The following TMEM232 variants were observed in gnomAD, a reference collection of about 807,000 sequenced individuals.
TMEM232 encodes the protein transmembrane protein 232.
Under a neutral mutation model 78.8 loss-of-function variants are expected in TMEM232, and 80 were observed. That is an observed-to-expected ratio of 1.01 (90% confidence interval 0.85 to 1.22). The LOEUF is 1.22. Ranked by LOEUF, TMEM232 falls within the 50% of genes most tolerant of loss-of-function variation. The pLI, the probability that TMEM232 is intolerant of heterozygous loss-of-function variation, is 0.00. For synonymous variants in TMEM232, 297 were observed against 254.3 expected, an observed-to-expected ratio of 1.17 and a Z score of -1.60; for missense variants, 881 against 742.2, an observed-to-expected ratio of 1.19 and a Z score of -2.17.
intron 2 of TMEM232, among the ~76,000 whole-genome samples, chr5:110,408,938 C>A (rs1755892438): frequency 6.6e-6 from 1 of 152,126 alleles, no homozygotes; most frequent in South Asian, 2.1e-4. Flanking sequence ...TGGGTAACTC[C>A]TACCTAGACC....
intron 12 of TMEM232, among the ~76,000 whole-genome samples, chr5:110,451,564 C>T (rs1324561056): frequency 1.3e-5 from 2 of 152,006 alleles, no homozygotes; most frequent in African/African-American, 2.4e-5. Context: ...ATAACATTTC[C>T]ACAATCTTTT....
At chr5:110,459,371 C>T (rs959123106) in intron 12 of TMEM232, among the ~76,000 whole-genome samples, 4 of 151,996 alleles carry the variant, frequency 2.6e-5, no homozygotes, top group Admixed American at 2.0e-4. Context: ...CATATAGCAC[C>T]GAGTTTGATC....
chr5:110,439,774 G>C lies in TMEM232; in HGVS notation c.1704-14858C>G, dbSNP rs375449215. On this transcript the variant is annotated intron_variant, in intron 12 of 13. Coordinates refer to ENST00000455884, the MANE Select transcript of TMEM232 (RefSeq NM_001039763.4). Reference sequence around the variant, plus strand: ...CGGAGTCAAAATACCCAGTGGCTATGTTCCACCGAAGCAATTCCTGCCCCA... The same window carrying C: ...CGGAGTCAAAATACCCAGTGGCTATCTTCCACCGAAGCAATTCCTGCCCCA... Among the ~76,000 whole-genome samples, 3 of 152,012 alleles carry C rather than the reference G, an allele frequency of 2.0e-5. No homozygotes were observed. In the East Asian group the frequency reaches 5.8e-4, roughly 29 times the overall value.
chr5:110,410,081 A>G (rs1486352285), intron 2 of TMEM232, among the ~76,000 whole-genome samples: 1 of 152,200 alleles, frequency 6.6e-6, no homozygotes. Flanking sequence ...ATGCTTGCGC[A>G]TTACACCTCA....
chr5:110,687,408 A>AT (rs1192374083), intron 1 of TMEM232, among the ~76,000 whole-genome samples: 1 of 151,590 alleles, frequency 6.6e-6, no homozygotes, highest in African/African-American at 2.4e-5. Context: ...TTTTCTCTCC[A>AT]TTTTTTCCTT....
chr5:110,688,421 G>A (rs1793692936), intron 1 of TMEM232, among the ~76,000 whole-genome samples: 1 of 152,148 alleles, frequency 6.6e-6, no homozygotes, highest in African/African-American at 2.4e-5. Context: ...AGAGAGAGAT[G>A]TCTCCTGAGA....
At chr5:110,659,242 A>G (rs12109955) in intron 2 of TMEM232, among the ~76,000 whole-genome samples, 1,781 of 152,206 alleles carry the variant, frequency 0.012, 44 homozygotes, top group African/African-American at 0.04. Flanking sequence ...AAAGTATGTA[A>G]TGTCTTGCAA....
At position 110,682,041 on chromosome 5, in the gene TMEM232, A is replaced by AT. The variant is rs563629458; in HGVS notation, c.-12-14678dup. Among the ~76,000 whole-genome samples, 37 of 152,060 alleles carry AT rather than the reference A, an allele frequency of 2.4e-4. No individual in the cohort carries two copies. In the South Asian group the frequency reaches 3.5e-3, roughly 14 times the overall value. On this transcript the variant is annotated intron_variant, in intron 1 of 13. Coordinates refer to ENST00000455884, the MANE Select transcript of TMEM232 (RefSeq NM_001039763.4). The stretch of plus-strand genomic sequence containing the variant: ...TTAACTTCTTCTGCTATTAAGACAC[A>AT]TTTTTTTTACTTTGCAGTAAAATCA...
chr5:110,570,803 A>C (rs889660578), intron 10 of TMEM232, among the ~76,000 whole-genome samples: 2 of 151,980 alleles, frequency 1.3e-5, no homozygotes, highest in Non-Finnish European at 2.9e-5. Flanking sequence ...AACTCAGCAA[A>C]GGATTGCCAT....
intron 1 of TMEM232, among the ~76,000 whole-genome samples, chr5:110,696,808 A>C (rs1160719664): frequency 6.6e-6 from 1 of 152,160 alleles, no homozygotes. Context: ...GGATACAAAG[A>C]AATGGAAGAA....
chr5:110,451,611 G>T (rs1358433398), intron 12 of TMEM232, among the ~76,000 whole-genome samples: 1 of 151,904 alleles, frequency 6.6e-6, no homozygotes, highest in Non-Finnish European at 1.5e-5. Flanking sequence ...CCTATTAATA[G>T]AATGATTTTT....
chr5:110,640,953 T>G lies in TMEM232; in HGVS notation c.281A>C (p.His94Pro). 1 of 1,539,948 alleles carries G rather than the reference T, an allele frequency of 6.5e-7. No homozygotes were observed. Among genetic ancestry groups the G allele is most frequent in the South Asian group, 1.2e-5 (1 of 81,714 alleles). Residue 94 changes from histidine (H) to proline (P), a missense_variant, in exon 4 of 14, where the codon CAT (histidine) becomes CCT (proline). Transcript: ENST00000455884. ...TACTTCAGTCCATGCAGCAGGAAGA[T>G]GCACATGCCTTCCAGAGCCCAGGGT... ...LKTLGSGRHVHLPAAWTEVIY... is the reference protein window; with the variant it reads ...LKTLGSGRHVPLPAAWTEVIY...
chr5:110,415,062 C>A (rs311707), downstream of TMEM232, among the ~76,000 whole-genome samples: 41,646 of 151,796 alleles, frequency 0.27, 9,447 homozygotes, highest in African/African-American at 0.61. Context: ...CTCAGTCCTG[C>A]AGGAGCTAAT....
At chr5:110,699,985 T>C (rs1051756483) in intron 1 of TMEM232, among the ~76,000 whole-genome samples, 19 of 152,044 alleles carry the variant, frequency 1.2e-4, no homozygotes, top group African/African-American at 4.6e-4. Flanking sequence ...ACTATTGAGA[T>C]TTATAACAAT....
At chr5:110,416,549 C>A (rs1756221210), downstream of TMEM232, among the ~76,000 whole-genome samples, 1 of 152,122 alleles carries the variant, frequency 6.6e-6, no homozygotes, top group Non-Finnish European at 1.5e-5. Flanking sequence ...TTGAAAGCAA[C>A]CCCAAAGCAA....
intron 4 of TMEM232, among the ~76,000 whole-genome samples, chr5:110,638,806 C>T (rs1786263113): frequency 6.6e-6 from 1 of 152,112 alleles, no homozygotes; most frequent in South Asian, 2.1e-4. Flanking sequence ...CAACACTATA[C>T]AGGCTAAATA....
intron 2 of TMEM232, among the ~76,000 whole-genome samples, chr5:110,645,934 A>T (rs929912636): frequency 1.3e-5 from 2 of 151,756 alleles, no homozygotes; most frequent in African/African-American, 4.8e-5. Context: ...TATCCAAAAT[A>T]GGAAATGGAG....
intron 11 of TMEM232, among the ~76,000 whole-genome samples, chr5:110,534,460 C>A (rs1772025913): frequency 6.6e-6 from 1 of 152,214 alleles, no homozygotes; most frequent in Non-Finnish European, 1.5e-5. Context: ...CAGAATGCTA[C>A]AAAGTACAGC....
chr5:110,605,129 G>T lies in TMEM232; in HGVS notation c.1256C>A (p.Ser419Tyr). The T allele has an allele frequency of 6.5e-7, 1 of 1,542,684 alleles. No individual in the cohort carries two copies. The highest frequency in any genetic ancestry group is 1.2e-5 in the South Asian group (1 of 82,460). ...CTTACAGTTCTCTGACATTTTTGAA[G>T]AGAAATATTCCAAAAGACTTAAAAT... is the stretch of plus-strand genomic sequence containing the variant. Reference protein sequence around the residue: ...TSILSLLEYFSSKMSENCDQV... With the variant: ...TSILSLLEYFYSKMSENCDQV... The change falls in exon 10 of 14, where the codon TCT becomes TAT. Residue 419 changes from serine (S) to tyrosine (Y), a missense_variant. By Grantham distance (144) the Ser-to-Tyr change is moderately radical. Transcript: ENST00000455884.
Sources: allele counts gnomAD v4.1 joint callset (sites outside exome capture counted in the v4.1 genomes callset), GRCh38; gene constraint gnomAD v4.1.1; transcripts MANE v1.5; gene names NCBI Gene and HGNC (gene_info 2026-07-23, HGNC 2026-07-21).